PCDHA12: variants seen among roughly 807,000 people sequenced by gnomAD.
PCDHA12 encodes protocadherin alpha-12.
PCDHA12 carries 44 observed loss-of-function variants against 60.0 expected under a neutral mutation model. That is an observed-to-expected ratio of 0.73 (90% confidence interval 0.58 to 0.94). The LOEUF is 0.94. PCDHA12 is among the 40% of genes least tolerant of loss of function. The probability of loss-of-function intolerance (pLI) is 0.00; values close to 1 mark genes in which losing one functional copy is unlikely to be tolerated. For synonymous variants in PCDHA12, 569 were observed against 553.0 expected (o/e 1.03, Z -0.40); for missense variants, 1,276 against 1,239.7 (o/e 1.03, Z -0.44).
chr5:140,985,488 A>G (rs1554247116), intron 3 of PCDHA12, among the ~76,000 whole-genome samples: 1 of 152,156 alleles, frequency 6.6e-6, no homozygotes, highest in Non-Finnish European at 1.5e-5. Flanking sequence ...CCAGACTCAA[A>G]TAGAGCCTGC....
intron 1 of PCDHA12, chr5:140,968,616 A>G (rs782318101): frequency 6.2e-7 from 1 of 1,614,154 alleles, no homozygotes; most frequent in Admixed American, 1.7e-5. Flanking sequence ...TCTGGGCAAA[A>G]TGCTTGGCTT....
chr5:140,941,191 T>TTTCTTTCTTTCTTTCTTTCTTTC (rs1487503403), intron 1 of PCDHA12, among the ~76,000 whole-genome samples: 1 of 93,206 alleles, frequency 1.1e-5, no homozygotes, highest in South Asian at 2.8e-4. Flanking sequence ...GCTTCTTTTT[T>TTTCTTTCTTTCTTTCTTTCTTTC]TTTCTTTCTT....
At chr5:140,962,384 A>G (rs1234630298) in intron 1 of PCDHA12, among the ~76,000 whole-genome samples, 7 of 152,202 alleles carry the variant, frequency 4.6e-5, no homozygotes, top group Non-Finnish European at 8.8e-5. Context: ...ATCTGTTAAT[A>G]TTACGCAATC....
Position 140,877,604 on chromosome 5 carries a change from T to C in PCDHA12, c.2132T>C (p.Leu711Pro). ...GCCATCTGTGCGGTGTCCAGCCTGC[T>C]GGTGCTCACGCTGCTGCTGTACACT... The part of the protein sequence containing the change: ...IIAICAVSSL[L>P]VLTLLLYTAL... The change falls in exon 1 of 4, where the codon CTG (leucine) becomes CCG (proline). Residue 711 changes from leucine to proline, a missense_variant. Transcript: ENST00000398631. 6.2e-7 allele frequency: 1 copy of C among 1,613,886 alleles called. No homozygotes were observed.
At chr5:140,923,275 C>CA (rs1328074482) in intron 1 of PCDHA12, among the ~76,000 whole-genome samples, 5 of 152,128 alleles carry the variant, frequency 3.3e-5, no homozygotes, top group African/African-American at 9.7e-5. Flanking sequence ...CTTGTCTCTA[C>CA]AAAAAATTAA....
Position 140,876,180 on chromosome 5 carries a change from T to G in PCDHA12, c.708T>G (p.Asn236Lys), listed in dbSNP as rs782772220. Residue 236 changes from asparagine to lysine, a missense_variant, in exon 1 of 4, where the codon AAT becomes AAG. Asn to Lys is a moderately conservative substitution (Grantham distance 94). Coordinates refer to ENST00000398631, the MANE Select transcript of PCDHA12 (RefSeq NM_018903.4). ...VQIQITVLDV[N>K]DNGPAFDKPS... Reference sequence around the variant, plus strand: ...TTCAAATAACCGTCCTGGATGTGAATGACAATGGTCCGGCGTTTGATAAGC... The same window carrying G: ...TTCAAATAACCGTCCTGGATGTGAAGGACAATGGTCCGGCGTTTGATAAGC... 1.2e-6 allele frequency: 2 copies of G among 1,613,982 alleles called. No individual in the cohort carries two copies. Among genetic ancestry groups the G allele is most frequent in the East Asian group, 4.5e-5 (2 of 44,888 alleles).
chr5:140,926,881 C>G, intron 1 of PCDHA12: 1 of 1,541,960 alleles, frequency 6.5e-7, no homozygotes, highest in Non-Finnish European at 8.8e-7. Context: ...AACGTGGACG[C>G]CTAGAGGGAG....
At chr5:140,943,267 AAAAAAAAAAAG>A in intron 1 of PCDHA12, among the ~76,000 whole-genome samples, 2 of 150,426 alleles carry the variant, frequency 1.3e-5, no homozygotes, top group South Asian at 2.1e-4. Context: ...CAAAAAAAAA[AAAAAAAAAAAG>A]AAAGAAAGAA....
chr5:140,927,666 G>C, intron 1 of PCDHA12: 1 of 1,614,180 alleles, frequency 6.2e-7, no homozygotes, highest in Non-Finnish European at 8.5e-7. Context: ...TTCAAGCCTT[G>C]GATCCAGATG....
At chr5:140,976,143 A>G (rs2096703250) in intron 1 of PCDHA12, among the ~76,000 whole-genome samples, 1 of 152,236 alleles carries the variant, frequency 6.6e-6, no homozygotes, top group South Asian at 2.1e-4. Flanking sequence ...GATGAAACTC[A>G]TGTACATTTT....
intron 1 of PCDHA12, among the ~76,000 whole-genome samples, chr5:140,894,725 G>A (rs3776121): frequency 0.31 from 47,403 of 151,506 alleles, 8,352 homozygotes; most frequent in East Asian, 0.53. Context: ...CAAATATTAC[G>A]TAGCAATTTG....
At chr5:140,987,880 T>A (rs2097271532) in intron 3 of PCDHA12, among the ~76,000 whole-genome samples, 1 of 152,112 alleles carries the variant, frequency 6.6e-6, no homozygotes, top group Non-Finnish European at 1.5e-5. Context: ...AAATGGACAG[T>A]TTATGTGCCC....
rs566725560 is a variant in PCDHA12, at chr5:140,929,099, G to T, written c.2368-49850G>T. The T allele has an allele frequency of 9.3e-6, 15 of 1,614,170 alleles. No homozygotes were observed. The African/African-American group carries it at 1.9e-4, about 20-fold the overall frequency. ...GGAAGTAAGATGGTTTCAAATCCTT[G>T]CATGACATCAGCCACCATAGATGTC... On this transcript the variant is annotated intron_variant, in intron 1 of 3. Transcript: ENST00000398631.
intron 3 of PCDHA12, among the ~76,000 whole-genome samples, chr5:140,996,580 C>T (rs1351485354): frequency 6.6e-6 from 1 of 152,130 alleles, no homozygotes; most frequent in African/African-American, 2.4e-5. Context: ...AATTTGTTAA[C>T]AAGGGCCGCC....
intron 1 of PCDHA12, among the ~76,000 whole-genome samples, chr5:140,921,151 AT>A (rs11299094): frequency 0.63 from 94,902 of 151,506 alleles, 30,179 homozygotes; most frequent in African/African-American, 0.71. Flanking sequence ...CAGCTAATGC[AT>A]TTTTTTTTTA....
chr5:141,006,769 A>G (rs575481848), intron 3 of PCDHA12, among the ~76,000 whole-genome samples: 1 of 152,208 alleles, frequency 6.6e-6, no homozygotes, highest in Non-Finnish European at 1.5e-5. Flanking sequence ...AGAATAGAAT[A>G]GAGAAAAATG....
In PCDHA12 at chr5:140,890,236, T is replaced by C. The variant is rs79211810; in HGVS notation, c.2367+12397T>C. 1.2e-3 allele frequency among the ~76,000 whole-genome samples: 183 copies of C among 152,244 alleles called. 1 individual carries two copies. Among genetic ancestry groups the C allele is most frequent in the African/African-American group, 4.0e-3 (168 of 41,532 alleles). ...CCCAGAGACCTAGTTGTTAAGCATT[T>C]ACCAGTACACTACTGCACCTGATTG... On this transcript the variant is annotated intron_variant, in intron 1 of 3. Transcript: ENST00000398631.
rs185281311 is a variant in PCDHA12 at position 140,896,058 on chromosome 5, G to A, written c.2367+18219G>A. The stretch of plus-strand genomic sequence containing the variant: ...ACTCCTGACCTCAGGTGATCCGCCT[G>A]CCTCGGCCTCCCAACATGCTGGGAT... On this transcript the variant is annotated intron_variant, in intron 1 of 3. Coordinates refer to ENST00000398631, the MANE Select transcript of PCDHA12 (RefSeq NM_018903.4). 4.1e-3 allele frequency among the ~76,000 whole-genome samples: 624 copies of A among 152,238 alleles called. 2 individuals carry two copies. The highest frequency in any genetic ancestry group is 6.8e-3 in the Middle Eastern group (2 of 294).
At chr5:140,968,321 A>ACCTCCTATGT in intron 1 of PCDHA12, 1 of 1,613,834 alleles carries the variant, frequency 6.2e-7, no homozygotes, top group Non-Finnish European at 8.5e-7. Flanking sequence ...GCTGCCAGTC[A>ACCTCCTATGT]CCTCCTATGT....
Sources: allele counts gnomAD v4.1 joint callset (sites outside exome capture counted in the v4.1 genomes callset), GRCh38; gene constraint gnomAD v4.1.1; transcripts MANE v1.5; gene names NCBI Gene and HGNC (gene_info 2026-07-23, HGNC 2026-07-21).